BRINP1: variants seen among roughly 807,000 people sequenced by gnomAD.
BRINP1 encodes BMP/retinoic acid-inducible neural-specific protein 1.
Under a neutral mutation model 72.9 loss-of-function variants are expected in BRINP1, and 17 were observed. The observed-to-expected ratio is 0.23, with a 90% CI of 0.16 to 0.35. The LOEUF is 0.35. BRINP1 is among the 10% of genes least tolerant of loss of function. BRINP1 has a pLI of 1.00. For missense variants in BRINP1, 850 were observed against 1,001.6 expected (o/e 0.85, Z 2.04); for synonymous variants, 418 against 378.5 (o/e 1.10, Z -1.21).
chr9:119,343,895 C>G (rs1831427509), intron 1 of BRINP1, among the ~76,000 whole-genome samples: 1 of 152,164 alleles, frequency 6.6e-6, no homozygotes, highest in African/African-American at 2.4e-5. Flanking sequence ...GCCTGAAATG[C>G]TCTTCCCCAA....
intron 2 of BRINP1, among the ~76,000 whole-genome samples, chr9:119,254,407 G>A (rs186934748): frequency 6.8e-4 from 103 of 152,214 alleles, no homozygotes; most frequent in African/African-American, 2.3e-3. Flanking sequence ...GGACCATAGG[G>A]CCACCTGGTG....
chr9:119,254,536 G>T (rs1353908461), intron 2 of BRINP1, among the ~76,000 whole-genome samples: 1 of 152,062 alleles, frequency 6.6e-6, no homozygotes, highest in Non-Finnish European at 1.5e-5. Flanking sequence ...GATATGGGAA[G>T]AAAAATAATA....
intron 1 of BRINP1, among the ~76,000 whole-genome samples, chr9:119,334,490 G>A (rs966013134): frequency 6.6e-6 from 1 of 152,196 alleles, no homozygotes; most frequent in Non-Finnish European, 1.5e-5. Context: ...GCAAGATAAA[G>A]TCAGAAGCAG....
chr9:119,182,329 A>C (rs2118839685), intron 7 of BRINP1, among the ~76,000 whole-genome samples: 1 of 152,334 alleles, frequency 6.6e-6, no homozygotes, highest in South Asian at 2.1e-4. Context: ...CTATACAAAA[A>C]TTAAAACAGA....
rs1407854577 is a variant in BRINP1 at position 119,171,573 on chromosome 9, C to T, written c.1146-3349G>A. On this transcript the variant is annotated intron_variant, in intron 7 of 7. Transcript: ENST00000265922. Reference sequence around the variant, plus strand: ...CCACTGTCAACATTAGACAGATCAACGAGACAGAAAGTCAACAAGGATACC... The same window carrying T: ...CCACTGTCAACATTAGACAGATCAATGAGACAGAAAGTCAACAAGGATACC... Among the ~76,000 whole-genome samples, 46 of 144,390 alleles carry T rather than the reference C, an allele frequency of 3.2e-4. No homozygotes were observed. In the South Asian group the frequency reaches 3.3e-3, roughly 10 times the overall value. The allele number at this position is 144,390 out of a possible 152,430, so 94.7% of individuals were successfully genotyped here. A position where few individuals can be genotyped will look rare whatever the true frequency, so the allele number is the denominator to read the frequency against.
intron 7 of BRINP1, among the ~76,000 whole-genome samples, chr9:119,207,095 T>C (rs1460438531): frequency 9.9e-5 from 15 of 152,234 alleles, no homozygotes; most frequent in Admixed American, 9.8e-4. Context: ...AGAAATATGC[T>C]AAGGAAAGGA....
chr9:119,220,476 C>T (rs1174749133), intron 5 of BRINP1, among the ~76,000 whole-genome samples: 2 of 152,130 alleles, frequency 1.3e-5, no homozygotes, highest in Admixed American at 1.3e-4. Flanking sequence ...TTTGATTCTG[C>T]TCTTTTGCTG....
At chr9:119,232,420 T>A (rs1250052959) in intron 5 of BRINP1, among the ~76,000 whole-genome samples, 1 of 152,210 alleles carries the variant, frequency 6.6e-6, no homozygotes, top group Non-Finnish European at 1.5e-5. Flanking sequence ...GTTACTTCTC[T>A]GCCTAAATTT....
intron 4 of BRINP1, among the ~76,000 whole-genome samples, 191 bp downstream of exon 4, chr9:119,241,856 T>C (rs1161968889): frequency 6.6e-6 from 1 of 152,188 alleles, no homozygotes; most frequent in Non-Finnish European, 1.5e-5. Flanking sequence ...ATATGGCCAC[T>C]GGAATGACAG....
chr9:119,353,127 G>A (rs1307344938), intron 1 of BRINP1, among the ~76,000 whole-genome samples: 3 of 152,090 alleles, frequency 2.0e-5, no homozygotes, highest in South Asian at 2.1e-4. Context: ...ATAGAATTTC[G>A]GTACCACCGA....
At chr9:119,358,024 T>A (rs998615394) in intron 1 of BRINP1, among the ~76,000 whole-genome samples, 9 of 152,188 alleles carry the variant, frequency 5.9e-5, no homozygotes, top group African/African-American at 2.2e-4. Context: ...TTATTGTATA[T>A]CTTGGGGCAA....
intron 7 of BRINP1, among the ~76,000 whole-genome samples, chr9:119,197,773 C>G (rs1341646611): frequency 1.3e-5 from 2 of 152,172 alleles, no homozygotes; most frequent in Non-Finnish European, 2.9e-5. Context: ...ATTCCCAAAC[C>G]TGTTTATGCC....
chr9:119,268,664 T>G (rs1159064473), intron 2 of BRINP1, among the ~76,000 whole-genome samples: 2 of 152,220 alleles, frequency 1.3e-5, no homozygotes, highest in African/African-American at 4.8e-5. Flanking sequence ...TACACCTTAT[T>G]TCTTTTCTCC....
chr9:119,335,195 C>T (rs1045346705), intron 1 of BRINP1, among the ~76,000 whole-genome samples: 1 of 152,142 alleles, frequency 6.6e-6, no homozygotes, highest in African/African-American at 2.4e-5. Flanking sequence ...TAACCTAAGG[C>T]TGCTTGAGCC....
At chr9:119,193,415 G>A (rs555458212) in intron 7 of BRINP1, among the ~76,000 whole-genome samples, 1 of 152,268 alleles carries the variant, frequency 6.6e-6, no homozygotes, top group South Asian at 2.1e-4. Context: ...AATGGAAATA[G>A]TGGTTACTCT....
chr9:119,218,297 C>T (rs10283854), intron 5 of BRINP1, among the ~76,000 whole-genome samples: 15,453 of 150,652 alleles, frequency 0.1, 996 homozygotes, highest in African/African-American at 0.18. Context: ...CTCCGCCTCC[C>T]GGGTTCAAGC....
intron 1 of BRINP1, among the ~76,000 whole-genome samples, chr9:119,322,793 T>C (rs1042095356): frequency 6.6e-6 from 1 of 152,180 alleles, no homozygotes; most frequent in African/African-American, 2.4e-5. Flanking sequence ...TGAGTGACCT[T>C]GGGCATGTTA....
At chr9:119,214,228 G>T in intron 5 of BRINP1, 73 bp from the exon 6 acceptor site, 1 of 1,103,036 alleles carries the variant, frequency 9.1e-7, no homozygotes, top group Non-Finnish European at 1.4e-6. Flanking sequence ...TTCCAAAGGT[G>T]ATACATAGGA....
At chr9:119,286,834 C>A (rs181191134) in intron 2 of BRINP1, among the ~76,000 whole-genome samples, 1 of 152,278 alleles carries the variant, frequency 6.6e-6, no homozygotes, top group East Asian at 1.9e-4. Flanking sequence ...AATTCATCCA[C>A]GATTTTGGTC....
Sources: gnomAD v4.1 joint callset for allele counts (sites outside exome capture counted in the v4.1 genomes callset) on GRCh38, gnomAD v4.1.1 for gene constraint, MANE v1.5 for transcripts, NCBI Gene and HGNC (gene_info 2026-07-23, HGNC 2026-07-21) for gene names.